DDR2: variants seen among roughly 807,000 people sequenced by gnomAD.
DDR2 encodes discoidin domain-containing receptor 2.
Under a neutral mutation model 94.9 loss-of-function variants are expected in DDR2, and 27 were observed. That is an observed-to-expected ratio of 0.28 (90% CI 0.21 to 0.39). The LOEUF (loss-of-function observed/expected upper bound fraction) is 0.39, where lower values mean the gene tolerates loss of function less well. DDR2 is among the 10% of genes least tolerant of loss of function. DDR2 has a pLI of 1.00. For synonymous variants in DDR2, 382 were observed against 377.2 expected (o/e 1.01, Z -0.15); for missense variants, 783 against 1,076.0 (o/e 0.73, Z 3.81).
chr1:162,663,637 T>A (rs909316963), intron 2 of DDR2, among the ~76,000 whole-genome samples: 1 of 151,906 alleles, frequency 6.6e-6, no homozygotes, highest in Non-Finnish European at 1.5e-5. Flanking sequence ...TAAGAGCAGG[T>A]GGGCGGTGAA....
intron 2 of DDR2, among the ~76,000 whole-genome samples, chr1:162,675,727 A>G (rs1344869142): frequency 6.6e-6 from 1 of 152,212 alleles, no homozygotes; most frequent in African/African-American, 2.4e-5. Flanking sequence ...GAAGTGGTCA[A>G]TGAAGTTTTA....
chr1:162,747,392 A>T (rs1662931515), intron 3 of DDR2, among the ~76,000 whole-genome samples: 1 of 151,938 alleles, frequency 6.6e-6, no homozygotes, highest in Non-Finnish European at 1.5e-5. Flanking sequence ...TTCAGTAGCC[A>T]ATTTGATCAA....
intron 2 of DDR2, among the ~76,000 whole-genome samples, chr1:162,674,925 G>A (rs1659056382): frequency 1.3e-5 from 2 of 152,052 alleles, no homozygotes; most frequent in South Asian, 2.1e-4. Flanking sequence ...GGGCTGAGGC[G>A]GGTGGATCAC....
intron 10 of DDR2, 93 bp from the exon 11 acceptor site, chr1:162,767,136 C>A: frequency 6.4e-7 from 1 of 1,566,282 alleles, no homozygotes; most frequent in Non-Finnish European, 8.8e-7. Context: ...CCTCAAGGAA[C>A]AGGGTCTACC....
At chr1:162,711,516 T>C (rs147999238) in intron 2 of DDR2, among the ~76,000 whole-genome samples, 200 of 152,336 alleles carry the variant, frequency 1.3e-3, no homozygotes, top group Non-Finnish European at 2.2e-3. Flanking sequence ...TTTTTTGCAA[T>C]GATCAGACTT....
intron 2 of DDR2, among the ~76,000 whole-genome samples, chr1:162,693,035 C>T (rs1660025756): frequency 6.6e-6 from 1 of 152,082 alleles, no homozygotes; most frequent in African/African-American, 2.4e-5. Context: ...ATGAACCTCA[C>T]AAACCTAATT....
chr1:162,685,851 A>G (rs1192335331), intron 2 of DDR2, among the ~76,000 whole-genome samples: 1 of 152,192 alleles, frequency 6.6e-6, no homozygotes, highest in Non-Finnish European at 1.5e-5. Flanking sequence ...AAGCAGACAG[A>G]GGCTAAGTGA....
At chr1:162,775,269 G>T (rs1054755192) in intron 14 of DDR2, among the ~76,000 whole-genome samples, 1 of 121,470 alleles carries the variant, frequency 8.2e-6, no homozygotes, top group Non-Finnish European at 1.8e-5. Context: ...AAAAAAAAAA[G>T]GTAAATATCC....
intron 3 of DDR2, among the ~76,000 whole-genome samples, chr1:162,751,978 A>G (rs1272330981): frequency 6.6e-6 from 1 of 152,120 alleles, no homozygotes; most frequent in African/African-American, 2.4e-5. Flanking sequence ...GGAGAACATC[A>G]CACACTGGGG....
chr1:162,677,389 T>A (rs1659185286), intron 2 of DDR2, among the ~76,000 whole-genome samples: 1 of 152,190 alleles, frequency 6.6e-6, no homozygotes, highest in South Asian at 2.1e-4. Flanking sequence ...CATGTTGGCA[T>A]TCAATTAATA....
intron 3 of DDR2, among the ~76,000 whole-genome samples, chr1:162,734,075 C>G (rs1192398768): frequency 6.6e-6 from 1 of 152,176 alleles, no homozygotes; most frequent in Non-Finnish European, 1.5e-5. Context: ...GTCTTGCTTA[C>G]TACTGTATCT....
At chr1:162,732,333 GAA>G (rs1662094924) in intron 3 of DDR2, among the ~76,000 whole-genome samples, 1 of 152,194 alleles carries the variant, frequency 6.6e-6, no homozygotes, top group African/African-American at 2.4e-5. Context: ...CCTGCTCTGT[GAA>G]GCTTGTGGGA....
intron 12 of DDR2, among the ~76,000 whole-genome samples, chr1:162,771,227 A>G (rs918456491): frequency 6.6e-6 from 1 of 152,208 alleles, no homozygotes; most frequent in African/African-American, 2.4e-5. Context: ...TCTTTAGCTC[A>G]GAGCAACTTT....
intron 1 of DDR2, among the ~76,000 whole-genome samples, chr1:162,644,846 T>A (rs557955081): frequency 6.6e-6 from 1 of 152,308 alleles, no homozygotes; most frequent in South Asian, 2.1e-4. Context: ...TCTGCCCACC[T>A]CAGCCTCCCA....
intron 3 of DDR2, among the ~76,000 whole-genome samples, chr1:162,728,234 T>TTA (rs1661820344): frequency 1.4e-5 from 2 of 147,368 alleles, no homozygotes; most frequent in South Asian, 2.1e-4. Context: ...AGATATATCT[T>TTA]TATATATATA....
intron 2 of DDR2, among the ~76,000 whole-genome samples, chr1:162,672,609 CT>C: frequency 6.6e-6 from 1 of 152,104 alleles, no homozygotes; most frequent in Admixed American, 6.5e-5. Flanking sequence ...TTCATGTATA[CT>C]TTATTGTTTC....
At position 162,636,218 on chromosome 1, in the gene DDR2, A is replaced by G. The variant is rs141206630; in HGVS notation, c.-192+3587A>G. 4.6e-5 allele frequency among the ~76,000 whole-genome samples: 7 copies of G among 152,340 alleles called. No individual in the cohort carries two copies. In the East Asian group the frequency reaches 9.6e-4, roughly 21 times the overall value. ...AACCCCAGCATTTGGCAAATTGTGT[A>G]CTTATTAGCTGGAATCTTACTTTGG... On this transcript the variant is annotated intron_variant, in intron 1 of 17. Coordinates refer to ENST00000367921, the MANE Select transcript of DDR2 (RefSeq NM_006182.4).
intron 1 of DDR2, among the ~76,000 whole-genome samples, chr1:162,651,862 A>G (rs1345834098): frequency 6.6e-6 from 1 of 152,200 alleles, no homozygotes; most frequent in African/African-American, 2.4e-5. Flanking sequence ...GCTTAGAAAT[A>G]ATTTTCTGAA....
At chr1:162,756,830 C>T (rs770511269) in intron 7 of DDR2, among the ~76,000 whole-genome samples, 6 of 152,136 alleles carry the variant, frequency 3.9e-5, no homozygotes, top group Admixed American at 6.5e-5. Context: ...GGCATAATTT[C>T]GCTCAGTCAC....
Sources: gnomAD v4.1 joint callset for allele counts (sites outside exome capture counted in the v4.1 genomes callset) on GRCh38, gnomAD v4.1.1 for gene constraint, MANE v1.5 for transcripts, NCBI Gene and HGNC (gene_info 2026-07-23, HGNC 2026-07-21) for gene names.